EXOC6: variants seen among roughly 807,000 people sequenced by gnomAD.
EXOC6 encodes the protein SEC15-like 1.
In EXOC6, 60 loss-of-function variants were observed where a neutral mutation model predicts 112.5. The ratio of observed to expected loss-of-function variants is 0.53; its 90% confidence interval spans 0.43 to 0.66. The LOEUF is 0.66. EXOC6 is among the 30% of genes least tolerant of loss of function. The pLI is 0.00. For synonymous variants in EXOC6, 295 were observed against 308.0 expected (o/e 0.96, Z 0.44); for missense variants, 855 against 957.1 (o/e 0.89, Z 1.41).
chr10:93,017,615 A>G (rs1844592026), intron 20 of EXOC6, among the ~76,000 whole-genome samples: 3 of 152,084 alleles, frequency 2.0e-5, no homozygotes, highest in Non-Finnish European at 4.4e-5. Context: ...CATATTGGGT[A>G]CAATGTATAC....
chr10:92,946,804 G>GAAA (rs1237369921), intron 13 of EXOC6, among the ~76,000 whole-genome samples: 1 of 152,052 alleles, frequency 6.6e-6, no homozygotes, highest in Non-Finnish European at 1.5e-5. Context: ...AATCTCTTTA[G>GAAA]AAATTTTTTT....
chr10:92,833,057 T>C (rs1846542246), upstream of EXOC6, among the ~76,000 whole-genome samples: 1 of 152,216 alleles, frequency 6.6e-6, no homozygotes, highest in African/African-American at 2.4e-5. Context: ...GGTGCTGCAT[T>C]TGTTCCATCC....
At chr10:92,970,214 C>T (rs1842240499) in intron 17 of EXOC6, among the ~76,000 whole-genome samples, 1 of 152,176 alleles carries the variant, frequency 6.6e-6, no homozygotes, top group African/African-American at 2.4e-5. Flanking sequence ...ATCTTGGATT[C>T]AGCCTATCAT....
chr10:92,928,055 A>T (rs1217575744), intron 8 of EXOC6, among the ~76,000 whole-genome samples: 1 of 152,190 alleles, frequency 6.6e-6, no homozygotes, highest in Admixed American at 6.5e-5. Flanking sequence ...TGATAGCCAT[A>T]TTTTGGTTTG....
chr10:93,028,834 C>CAAAA (rs59650538), intron 20 of EXOC6, among the ~76,000 whole-genome samples: 5 of 79,148 alleles, frequency 6.3e-5, no homozygotes, highest in Non-Finnish European at 1.3e-4. Flanking sequence ...AACTCCATCT[C>CAAAA]AAAAAAAAAA....
At chr10:92,874,832 T>C (rs1848615553) in intron 1 of EXOC6, among the ~76,000 whole-genome samples, 1 of 152,216 alleles carries the variant, frequency 6.6e-6, no homozygotes, top group African/African-American at 2.4e-5. Context: ...TGACTTTCTC[T>C]GCTTCTCTCT....
At chr10:92,930,601 T>C (rs144540875) in intron 9 of EXOC6, among the ~76,000 whole-genome samples, 7 of 152,040 alleles carry the variant, frequency 4.6e-5, no homozygotes, top group African/African-American at 1.7e-4. Context: ...ATGCAAAAAA[T>C]GAATATTGAC....
intron 1 of EXOC6, among the ~76,000 whole-genome samples, chr10:92,849,507 A>G (rs1044140596): frequency 6.6e-6 from 1 of 152,238 alleles, no homozygotes. Flanking sequence ...GTCTTCAAGA[A>G]TAAGTTCCTT....
At chr10:92,992,308 A>AAG (rs1843300139) in intron 18 of EXOC6, among the ~76,000 whole-genome samples, 1 of 151,562 alleles carries the variant, frequency 6.6e-6, no homozygotes, top group South Asian at 2.1e-4. Context: ...AAAAAAAAAA[A>AAG]AAAATTTGTC....
At chr10:92,896,161 ATATATATATATATATATATAT>A in intron 4 of EXOC6, among the ~76,000 whole-genome samples, 2 of 20,196 alleles carry the variant, frequency 9.9e-5, no homozygotes, top group Non-Finnish European at 7.8e-5. Flanking sequence ...ATATATATAT[ATATATATATATATATATATAT>A]TTTTTTTTTT....
chr10:93,058,209 A>T lies in EXOC6; in HGVS notation c.2283-14A>T. The T allele has an allele frequency of 6.3e-7, 1 of 1,593,728 alleles. No homozygotes were observed. The highest frequency in any genetic ancestry group is 8.5e-7 in the Non-Finnish European group (1 of 1,175,008). ...TTTCTTTTACCAAGCTTCTTCATTC[A>T]CATATGTTTCTAGGATGAAGGATAC... On this transcript the variant is annotated splice_polypyrimidine_tract_variant and intron_variant, in intron 21 of 21. Coordinates refer to ENST00000260762, the MANE Select transcript of EXOC6 (RefSeq NM_019053.6).
chr10:93,041,704 G>A (rs528221993), intron 20 of EXOC6, among the ~76,000 whole-genome samples: 21 of 151,606 alleles, frequency 1.4e-4, no homozygotes, highest in South Asian at 6.2e-4. Context: ...GTGAGCCACC[G>A]TGCCCGGCAT....
At chr10:92,874,730 C>G (rs1307635488) in intron 1 of EXOC6, among the ~76,000 whole-genome samples, 1 of 152,106 alleles carries the variant, frequency 6.6e-6, no homozygotes, top group Non-Finnish European at 1.5e-5. Context: ...TTAGGGCAGC[C>G]AAACTTTTTG....
chr10:92,991,807 A>G (rs969059384), intron 18 of EXOC6, among the ~76,000 whole-genome samples: 1 of 151,668 alleles, frequency 6.6e-6, no homozygotes, highest in African/African-American at 2.4e-5. Flanking sequence ...TCATACCCTT[A>G]TGATTGGTAA....
chr10:92,855,461 A>G (rs1197882262), intron 1 of EXOC6, among the ~76,000 whole-genome samples: 1 of 152,158 alleles, frequency 6.6e-6, no homozygotes, highest in Non-Finnish European at 1.5e-5. Context: ...TCTCTTCCAC[A>G]TTTGGAAGAG....
At chr10:92,862,019 A>C (rs1006491621) in intron 1 of EXOC6, among the ~76,000 whole-genome samples, 5 of 152,220 alleles carry the variant, frequency 3.3e-5, no homozygotes, top group African/African-American at 1.2e-4. Flanking sequence ...AAAAACAGCC[A>C]TTTTAAAATG....
upstream of EXOC6, among the ~76,000 whole-genome samples, chr10:92,846,950 A>C (rs1054086168): frequency 5.9e-5 from 9 of 152,234 alleles, no homozygotes; most frequent in African/African-American, 2.2e-4. Context: ...TGACCACAGA[A>C]GAATGGTCAG....
intron 8 of EXOC6, 41 bp from the exon 9 acceptor site, chr10:92,928,288 TTGTATGTGTG>T (rs763985328): frequency 1.1e-5 from 11 of 976,360 alleles, no homozygotes; most frequent in African/African-American, 9.7e-5. Context: ...TCTGTTTTAG[TTGTATGTGTG>T]TGTATGTGTA....
At chr10:93,006,013 A>T (rs1005220119) in intron 19 of EXOC6, among the ~76,000 whole-genome samples, 1 of 151,962 alleles carries the variant, frequency 6.6e-6, no homozygotes, top group Non-Finnish European at 1.5e-5. Flanking sequence ...AATTAAAATT[A>T]CTCAGATGTG....
Sources: allele counts gnomAD v4.1 joint callset (sites outside exome capture counted in the v4.1 genomes callset), GRCh38; gene constraint gnomAD v4.1.1; transcripts MANE v1.5; gene names NCBI Gene and HGNC (gene_info 2026-07-23, HGNC 2026-07-21).